ARHGAP19: variants seen among roughly 807,000 people sequenced by gnomAD.
The protein encoded by ARHGAP19 is Rho GTPase activating protein 19.
ARHGAP19 carries 48 observed loss-of-function variants against 60.9 expected under a neutral mutation model. The observed-to-expected ratio is 0.79, with a 90% confidence interval of 0.62 to 1.00. The LOEUF is 1.00. ARHGAP19 is among the 50% of genes least tolerant of loss of function. The pLI is 0.00. For synonymous variants in ARHGAP19, 209 were observed against 215.5 expected (o/e 0.97, Z 0.27); for missense variants, 562 against 597.2 (o/e 0.94, Z 0.61).
At chr10:97,235,070 C>A in intron 9 of ARHGAP19, 147 bp downstream of exon 9, 1 of 687,568 alleles carries the variant, frequency 1.5e-6, no homozygotes. Flanking sequence ...AATATAAAAG[C>A]TTTTCAACAT....
chr10:97,288,452 C>T (rs1264524194), intron 1 of ARHGAP19, among the ~76,000 whole-genome samples: 9 of 151,768 alleles, frequency 5.9e-5, no homozygotes, highest in South Asian at 2.1e-4. Flanking sequence ...TGCTGGCACA[C>T]GCCTGTAGTC....
rs548554520 is a variant in ARHGAP19, at chr10:97,256,868, TC to T, written c.841-465del. 2.4e-3 allele frequency among the ~76,000 whole-genome samples: 358 copies of T among 152,210 alleles called. 4 individuals carry two copies. Among genetic ancestry groups the T allele is most frequent in the African/African-American group, 8.2e-3 (341 of 41,536 alleles). ...CGGGCGTGGTGGCTCATGCCTGTAATCCCAGCACTTTGGGAGGCCAAGGCGG... is the reference window on the plus strand; with the variant it reads ...CGGGCGTGGTGGCTCATGCCTGTAATCCAGCACTTTGGGAGGCCAAGGCGG... On this transcript the variant is annotated intron_variant, in intron 5 of 11. Coordinates refer to ENST00000358531, the MANE Select transcript of ARHGAP19 (RefSeq NM_032900.6).
chr10:97,230,596 C>T (rs1320586873), intron 9 of ARHGAP19, among the ~76,000 whole-genome samples: 2 of 151,942 alleles, frequency 1.3e-5, no homozygotes, highest in African/African-American at 4.8e-5. Flanking sequence ...AAGAACATAT[C>T]AAAACTAGAA....
chr10:97,235,231 T>TGAAGGAGCGC lies in ARHGAP19; in HGVS notation c.1260_1269dup (p.Ser424AlafsTer8). 6.2e-7 allele frequency: 1 copy of TGAAGGAGCGC among 1,613,150 alleles called. No homozygotes were observed. The highest frequency in any genetic ancestry group is 8.5e-7 in the Non-Finnish European group (1 of 1,179,210). On this transcript the variant is annotated frameshift_variant, in exon 9 of 12. Coordinates refer to ENST00000358531, the MANE Select transcript of ARHGAP19 (RefSeq NM_032900.6). LOFTEE classifies it high-confidence loss of function. ...AGCATACCTACCTTAATAAGCCCACTGAAGGAGCGCGAACGAGCCCTCTTT... is the reference window on the plus strand; with the variant it reads ...AGCATACCTACCTTAATAAGCCCACTGAAGGAGCGCGAAGGAGCGCGAACGAGCCCTCTTT...
At chr10:97,281,219 CAAAAAAAAA>C (rs56674405) in intron 1 of ARHGAP19, among the ~76,000 whole-genome samples, 1 of 131,756 alleles carries the variant, frequency 7.6e-6, no homozygotes. Context: ...TCTGTCACTA[CAAAAAAAAA>C]AAAAAAAAAA....
intron 9 of ARHGAP19, among the ~76,000 whole-genome samples, chr10:97,231,985 T>TTG (rs1554860901): frequency 6.7e-6 from 1 of 150,094 alleles, no homozygotes; most frequent in African/African-American, 2.5e-5. Context: ...CGTTGTTTTT[T>TTG]TTTTTTTTTT....
intron 1 of ARHGAP19, among the ~76,000 whole-genome samples, chr10:97,290,532 C>T (rs891753880): frequency 6.6e-6 from 1 of 152,072 alleles, no homozygotes; most frequent in Non-Finnish European, 1.5e-5. Context: ...AGGCTGAGAA[C>T]CCCAGGTCAG....
At chr10:97,254,873 C>T (rs1421160296) in intron 6 of ARHGAP19, among the ~76,000 whole-genome samples, 1 of 152,290 alleles carries the variant, frequency 6.6e-6, no homozygotes, top group East Asian at 1.9e-4. Flanking sequence ...CAGTGGAATA[C>T]TACGCACCCT....
intron 1 of ARHGAP19, among the ~76,000 whole-genome samples, chr10:97,273,979 A>AC (rs1564727208): frequency 2.0e-5 from 3 of 151,706 alleles, no homozygotes; most frequent in Non-Finnish European, 4.4e-5. Flanking sequence ...ACACACACAC[A>AC]AACACACACA....
At chr10:97,263,775 G>C in intron 3 of ARHGAP19, 146 bp from the exon 4 acceptor site, 1 of 710,888 alleles carries the variant, frequency 1.4e-6, no homozygotes. Flanking sequence ...CACCAGGGTA[G>C]TTTAGAACCT....
At chr10:97,290,940 T>C (rs1843222880) in intron 1 of ARHGAP19, among the ~76,000 whole-genome samples, 1 of 152,112 alleles carries the variant, frequency 6.6e-6, no homozygotes, top group Admixed American at 6.6e-5. Flanking sequence ...GAAGGGGGAC[T>C]GAGAGACAGG....
intron 1 of ARHGAP19, among the ~76,000 whole-genome samples, chr10:97,279,249 G>C (rs995673495): frequency 4.6e-5 from 7 of 152,228 alleles, no homozygotes; most frequent in Admixed American, 3.3e-4. Context: ...TAATACCAGA[G>C]ACAGTTCAAC....
In ARHGAP19 at chr10:97,259,505, A is replaced by C. The variant is rs755450100; in HGVS notation, c.737T>G (p.Leu246Trp). ...PPPNRNLLKL[L>W]LDLLYQTAKK... ...TGCTGTCTGGTATAGGAGATCAAGC[A>C]ATAACTTCAGCAAATTACGATTAGG... is the stretch of plus-strand genomic sequence containing the variant. Residue 246 changes from leucine (L) to tryptophan (W), a missense_variant, in exon 5 of 12, where the codon TTG (leucine) becomes TGG (tryptophan). Leu to Trp is a moderately conservative substitution (Grantham distance 61). Transcript: ENST00000358531. The C allele has an allele frequency of 3.6e-5, 58 of 1,614,108 alleles. No homozygotes were observed. Among genetic ancestry groups the C allele is most frequent in the Non-Finnish European group, 4.8e-5 (57 of 1,180,046 alleles).
intron 5 of ARHGAP19, among the ~76,000 whole-genome samples, chr10:97,257,834 T>A (rs1842776606): frequency 6.6e-6 from 1 of 152,126 alleles, no homozygotes; most frequent in Non-Finnish European, 1.5e-5. Context: ...CTTTTCTCAT[T>A]ACTTATAATC....
chr10:97,241,448 C>T (rs1243428116), intron 8 of ARHGAP19, among the ~76,000 whole-genome samples: 3 of 150,876 alleles, frequency 2.0e-5, no homozygotes, highest in Non-Finnish European at 2.9e-5. Flanking sequence ...GGTGCGGTGG[C>T]TCACACCTGT....
Position 97,227,662 on chromosome 10 carries a change from T to C in ARHGAP19, c.1474+1485A>G, listed in dbSNP as rs190012870. ...CATTGCCTGATCCAATTGAGGGTCA[T>C]TCATTATCTCGACTTCTCTGAACTA... On this transcript the variant is annotated intron_variant, in intron 11 of 11. Coordinates refer to ENST00000358531, the MANE Select transcript of ARHGAP19 (RefSeq NM_032900.6). 8.9e-4 allele frequency among the ~76,000 whole-genome samples: 135 copies of C among 152,308 alleles called. 1 individual carries two copies. Among genetic ancestry groups the C allele is most frequent in the Non-Finnish European group, 1.5e-3 (102 of 68,022 alleles).
At chr10:97,257,116 G>A (rs950104592) in intron 5 of ARHGAP19, among the ~76,000 whole-genome samples, 2 of 151,886 alleles carry the variant, frequency 1.3e-5, no homozygotes, top group African/African-American at 4.8e-5. Context: ...GCAAGACTCT[G>A]TCTCAAAAAA....
At chr10:97,238,487 G>A (rs1037812530) in intron 8 of ARHGAP19, among the ~76,000 whole-genome samples, 2 of 151,886 alleles carry the variant, frequency 1.3e-5, no homozygotes, top group Non-Finnish European at 2.9e-5. Context: ...CAAAGTGCTG[G>A]GATTACAGGA....
At chr10:97,234,798 T>G (rs1409151531) in intron 9 of ARHGAP19, among the ~76,000 whole-genome samples, 7 of 152,222 alleles carry the variant, frequency 4.6e-5, no homozygotes. Context: ...GTATCAAAAC[T>G]CACTAGCCTA....
Sources: gnomAD v4.1 joint callset for allele counts (sites outside exome capture counted in the v4.1 genomes callset) on GRCh38, gnomAD v4.1.1 for gene constraint, MANE v1.5 for transcripts, NCBI Gene and HGNC (gene_info 2026-07-23, HGNC 2026-07-21) for gene names.